MARCHF1: variants seen among roughly 807,000 people sequenced by gnomAD.
MARCHF1 encodes E3 ubiquitin-protein ligase MARCHF1.
Under a neutral mutation model 54.2 loss-of-function variants are expected in MARCHF1, and 40 were observed. The ratio of observed to expected loss-of-function variants is 0.74; its 90% CI spans 0.57 to 0.96. The LOEUF is 0.96. Ranked by LOEUF, MARCHF1 falls within the 40% of genes least tolerant of loss-of-function variation. The probability of loss-of-function intolerance (pLI) is 0.00; values close to 1 mark genes in which losing one functional copy is unlikely to be tolerated. For synonymous variants in MARCHF1, 236 were observed against 236.3 expected (o/e 1.00, Z 0.01); for missense variants, 586 against 656.5 (o/e 0.89, Z 1.17).
intron 8 of MARCHF1, among the ~76,000 whole-genome samples, chr4:163,568,492 G>C (rs1177149130): frequency 2.6e-5 from 4 of 152,050 alleles, no homozygotes; most frequent in African/African-American, 9.7e-5. Context: ...TGGAAACCAG[G>C]AGATTATTTT....
intron 1 of MARCHF1, among the ~76,000 whole-genome samples, chr4:164,279,444 C>T (rs1284032253): frequency 4.6e-5 from 7 of 151,276 alleles, no homozygotes; most frequent in Admixed American, 2.6e-4. Context: ...ATGTTGCCTA[C>T]ATATATGACA....
At chr4:163,548,056 A>G (rs953162722) in intron 8 of MARCHF1, among the ~76,000 whole-genome samples, 1 of 152,216 alleles carries the variant, frequency 6.6e-6, no homozygotes, top group Non-Finnish European at 1.5e-5. Context: ...TTTAATGTTA[A>G]TTGAGTTTTT....
At chr4:163,561,488 TCA>T (rs1739465571) in intron 8 of MARCHF1, among the ~76,000 whole-genome samples, 1 of 152,160 alleles carries the variant, frequency 6.6e-6, no homozygotes. Context: ...AATACATCTA[TCA>T]CACAAATATA....
chr4:164,096,841 T>A (rs927976614), intron 2 of MARCHF1, among the ~76,000 whole-genome samples: 7 of 152,158 alleles, frequency 4.6e-5, no homozygotes, highest in Non-Finnish European at 1.0e-4. Flanking sequence ...ATCATATAAA[T>A]TGAAAGAAAT....
Position 163,528,681 on chromosome 4 carries a change from T to C in MARCHF1, c.*67A>G, listed in dbSNP as rs1484562090. ...AGGGAGTAAATAATTCAAGATCACT[T>C]CTGTCATTTGTAGTGGCTGAGGGCT... On this transcript the variant is annotated 3_prime_UTR_variant, in exon 10 of 10. Transcript: ENST00000514618. 11 of 1,466,012 alleles carry C rather than the reference T, an allele frequency of 7.5e-6. No individual in the cohort carries two copies. Among genetic ancestry groups the C allele is most frequent in the Non-Finnish European group, 8.3e-6 (9 of 1,080,172 alleles). The allele number at this position is 1,466,012 out of a possible 1,614,324, so 90.8% of individuals were successfully genotyped here.
chr4:164,137,295 C>T (rs1471184040), intron 1 of MARCHF1, among the ~76,000 whole-genome samples: 1 of 152,024 alleles, frequency 6.6e-6, no homozygotes, highest in East Asian at 1.9e-4. Flanking sequence ...TAACAGACAG[C>T]CTTGTTACTT....
intron 2 of MARCHF1, among the ~76,000 whole-genome samples, chr4:164,057,141 C>T (rs921264010): frequency 6.6e-5 from 10 of 152,144 alleles, no homozygotes; most frequent in South Asian, 4.1e-4. Context: ...GCTCTTTAAA[C>T]AAGGAGCTTT....
At chr4:163,735,337 A>G (rs1008864170) in intron 4 of MARCHF1, among the ~76,000 whole-genome samples, 6 of 151,998 alleles carry the variant, frequency 3.9e-5, no homozygotes, top group African/African-American at 1.4e-4. Flanking sequence ...GGTTATGGAG[A>G]ACTTGTCTGT....
intron 5 of MARCHF1, among the ~76,000 whole-genome samples, chr4:163,638,519 C>T (rs981516412): frequency 6.6e-6 from 1 of 152,156 alleles, no homozygotes; most frequent in Non-Finnish European, 1.5e-5. Context: ...AAGCTGAGCA[C>T]ATGCTGGTGC....
At chr4:164,158,511 G>T (rs1730136914) in intron 1 of MARCHF1, among the ~76,000 whole-genome samples, 1 of 151,964 alleles carries the variant, frequency 6.6e-6, no homozygotes, top group Non-Finnish European at 1.5e-5. Flanking sequence ...TGTGGTGACG[G>T]GCGCCTATAA....
At chr4:163,929,941 T>A (rs191462321) in intron 3 of MARCHF1, among the ~76,000 whole-genome samples, 584 of 14,240 alleles carry the variant, frequency 0.041, 8 homozygotes, top group Middle Eastern at 0.062. Context: ...TATTATATAT[T>A]TATATTATAT....
At chr4:163,952,200 T>C (rs1752147222) in intron 3 of MARCHF1, among the ~76,000 whole-genome samples, 1 of 152,190 alleles carries the variant, frequency 6.6e-6, no homozygotes, top group South Asian at 2.1e-4. Context: ...TCGAACACTG[T>C]TGAGTATAGT....
chr4:164,242,832 C>A (rs1431252842), intron 1 of MARCHF1, among the ~76,000 whole-genome samples: 3 of 151,294 alleles, frequency 2.0e-5, no homozygotes, highest in Admixed American at 2.0e-4. Flanking sequence ...GTGAAGAATG[C>A]AGAAGCCTCA....
At chr4:163,946,416 T>C (rs1301753731) in intron 3 of MARCHF1, among the ~76,000 whole-genome samples, 2 of 152,184 alleles carry the variant, frequency 1.3e-5, no homozygotes, top group African/African-American at 4.8e-5. Context: ...CCTGATTTTC[T>C]CTATTCACCC....
At chr4:163,703,179 G>A (rs1374307717) in intron 4 of MARCHF1, among the ~76,000 whole-genome samples, 1 of 151,986 alleles carries the variant, frequency 6.6e-6, no homozygotes, top group Non-Finnish European at 1.5e-5. Context: ...AAGAAACACT[G>A]AAAGAGCTTT....
chr4:163,802,569 G>A (rs1228693663), intron 4 of MARCHF1, among the ~76,000 whole-genome samples: 1 of 152,080 alleles, frequency 6.6e-6, no homozygotes, highest in African/African-American at 2.4e-5. Flanking sequence ...TTTACAGGAG[G>A]CTTTTTAAGA....
At chr4:163,733,258 T>TATACACGTGTATATATAC (rs1554008879) in intron 4 of MARCHF1, among the ~76,000 whole-genome samples, 2 of 45,066 alleles carry the variant, frequency 4.4e-5, no homozygotes, top group Non-Finnish European at 1.1e-4. Flanking sequence ...TATATATATA[T>TATACACGTGTATATATAC]ACACACACAC....
intron 5 of MARCHF1, among the ~76,000 whole-genome samples, chr4:163,629,323 A>T (rs557839317): frequency 6.6e-6 from 1 of 152,352 alleles, no homozygotes; most frequent in African/African-American, 2.4e-5. Flanking sequence ...TCCCTATGTA[A>T]TAAATGGTAT....
chr4:164,188,484 G>C (rs1731036323), intron 1 of MARCHF1: 9 of 671,748 alleles, frequency 1.3e-5, no homozygotes, highest in Non-Finnish European at 1.9e-5. Context: ...GTCGACCTGG[G>C]GACCACCTAC....
Sources: allele counts gnomAD v4.1 joint callset (sites outside exome capture counted in the v4.1 genomes callset), GRCh38; gene constraint gnomAD v4.1.1; transcripts MANE v1.5; gene names NCBI Gene and HGNC (gene_info 2026-07-23, HGNC 2026-07-21).